The following DDC variants were observed in gnomAD, a reference collection of about 807,000 sequenced individuals.
DDC encodes aromatic-L-amino-acid decarboxylase.
DDC carries 43 observed loss-of-function variants against 60.0 expected under a neutral mutation model. The ratio of observed to expected loss-of-function variants is 0.72; its 90% CI spans 0.56 to 0.92. The LOEUF is 0.92. Among genes scored for constraint, DDC ranks in the 40% least tolerant of loss-of-function variants. The pLI is 0.00. For missense variants in DDC, 573 were observed against 620.2 expected, an observed-to-expected ratio of 0.92 and a Z score of 0.81; for synonymous variants, 232 against 234.6, an observed-to-expected ratio of 0.99 and a Z score of 0.10.
intron 6 of DDC, among the ~76,000 whole-genome samples, chr7:50,519,081 G>A (rs1238649841): frequency 6.6e-6 from 1 of 152,082 alleles, no homozygotes; most frequent in Non-Finnish European, 1.5e-5. Context: ...CTGGGCTAAG[G>A]ACATGAATAG....
At position 50,539,946 on chromosome 7, in the gene DDC, C is replaced by T; in HGVS notation, c.284G>A (p.Cys95Tyr). ...GAAGCCGATGCAGCCAATGGCCCCG[C>T]ACAGCATGTCCGCAAGCATGGCCGG... is the stretch of plus-strand genomic sequence containing the variant. ...SYPAMLADML[C>Y]GAIGCIGFSW... Residue 95 changes from cysteine to tyrosine, a missense_variant, in exon 3 of 15, where the codon TGC becomes TAC. Coordinates refer to ENST00000444124, the MANE Select transcript of DDC (RefSeq NM_001082971.2). 1 of 1,614,004 alleles carries T rather than the reference C, an allele frequency of 6.2e-7. No homozygotes were observed. Among genetic ancestry groups the T allele is most frequent in the Non-Finnish European group, 8.5e-7 (1 of 1,179,980 alleles).
At chr7:50,520,001 G>A (rs1356297458) in intron 6 of DDC, among the ~76,000 whole-genome samples, 3 of 152,146 alleles carry the variant, frequency 2.0e-5, no homozygotes, top group Admixed American at 6.5e-5. Context: ...GAAGATGGGC[G>A]AGAATCTACT....
At position 50,499,225 on chromosome 7, in the gene DDC, A is replaced by G. The variant is rs1317413228; in HGVS notation, c.799T>C (p.Trp267Arg). 1.9e-6 allele frequency: 3 copies of G among 1,613,286 alleles called. No homozygotes were observed. Among genetic ancestry groups the G allele is most frequent in the Non-Finnish European group, 2.5e-6 (3 of 1,179,636 alleles). ...GCGTAGGCTGCATCAACGTGCAGCC[A>G]TATGTCTTCCTTGTTGCCTAAAGTT... ...VGPICNKEDI[W>R]LHVDAAYAGS... is the part of the protein sequence containing the mutation. Residue 267 changes from tryptophan (W) to arginine (R), a missense_variant, in exon 8 of 15, where the codon TGG becomes CGG. Transcript: ENST00000444124.
chr7:50,493,625 CA>C (rs1180070354), intron 9 of DDC, among the ~76,000 whole-genome samples: 5 of 152,164 alleles, frequency 3.3e-5, no homozygotes, highest in African/African-American at 1.2e-4. Context: ...AACACAACCA[CA>C]AGAATACAAA....
chr7:50,498,093 G>A (rs1028852200), intron 8 of DDC, among the ~76,000 whole-genome samples: 3 of 152,196 alleles, frequency 2.0e-5, no homozygotes, highest in Non-Finnish European at 2.9e-5. Flanking sequence ...GCCAGGCACT[G>A]TTTTTAAGCC....
intron 6 of DDC, among the ~76,000 whole-genome samples, chr7:50,525,593 G>A (rs1025420601): frequency 9.2e-5 from 14 of 151,804 alleles, no homozygotes; most frequent in African/African-American, 3.1e-4. Flanking sequence ...ATGAGACCCC[G>A]TCTCCACTAG....
intron 12 of DDC, among the ~76,000 whole-genome samples, chr7:50,467,958 T>G (rs1260884858): frequency 6.6e-6 from 1 of 152,254 alleles, no homozygotes; most frequent in African/African-American, 2.4e-5. Flanking sequence ...TCATTGAATA[T>G]CACACTGACC....
chr7:50,468,884 G>A (rs112150160), intron 12 of DDC, among the ~76,000 whole-genome samples: 9 of 152,024 alleles, frequency 5.9e-5, no homozygotes, highest in African/African-American at 2.2e-4. Context: ...TGGCTAAACG[G>A]GTGGCTCTAG....
intron 12 of DDC, among the ~76,000 whole-genome samples, chr7:50,469,669 C>T (rs890410423): frequency 6.6e-6 from 1 of 152,116 alleles, no homozygotes; most frequent in Non-Finnish European, 1.5e-5. Flanking sequence ...GTTCTCTTGC[C>T]ATGTATTTGC....
Position 50,498,062 on chromosome 7 carries a change from C to G in DDC, c.876+1086G>C, listed in dbSNP as rs11575406. Reference sequence around the variant, plus strand: ...TAGAAAATCACAAAAGCACCTAATGCAATTTCAGTATTTACTGTCTGCCAG... The same window carrying G: ...TAGAAAATCACAAAAGCACCTAATGGAATTTCAGTATTTACTGTCTGCCAG... On this transcript the variant is annotated intron_variant, in intron 8 of 14. Transcript: ENST00000444124. Among the ~76,000 whole-genome samples the G allele has an allele frequency of 5.7e-3, 862 of 152,326 alleles. 7 individuals carry two copies. Among genetic ancestry groups the G allele is most frequent in the African/African-American group, 0.02 (830 of 41,582 alleles).
chr7:50,529,706 A>G (rs2044143578), intron 4 of DDC, among the ~76,000 whole-genome samples: 1 of 152,158 alleles, frequency 6.6e-6, no homozygotes. Context: ...ACCAGCATGC[A>G]AGCCTGACTC....
chr7:50,524,047 A>G (rs1473967860), intron 6 of DDC, among the ~76,000 whole-genome samples: 2 of 152,232 alleles, frequency 1.3e-5, no homozygotes, highest in African/African-American at 4.8e-5. Context: ...TGTTAGTGAA[A>G]TAAGTCAATC....
intron 6 of DDC, among the ~76,000 whole-genome samples, chr7:50,520,399 A>C (rs2043857764): frequency 6.6e-6 from 1 of 152,232 alleles, no homozygotes; most frequent in Non-Finnish European, 1.5e-5. Context: ...GAAAACTCTT[A>C]GAGATCAAAC....
intron 9 of DDC, chr7:50,493,003 G>C: frequency 6.3e-7 from 1 of 1,597,582 alleles, no homozygotes; most frequent in Middle Eastern, 1.7e-4. Flanking sequence ...TGGTTGTCTG[G>C]ACCTGAGGGC....
chr7:50,485,827 C>T (rs930291769), intron 9 of DDC, among the ~76,000 whole-genome samples: 13 of 152,178 alleles, frequency 8.5e-5, no homozygotes, highest in Admixed American at 5.2e-4. Context: ...CCTGTCTCCA[C>T]GTTACAAGGC....
intron 6 of DDC, among the ~76,000 whole-genome samples, chr7:50,505,189 A>G (rs1005802355): frequency 2.6e-5 from 4 of 152,202 alleles, no homozygotes. Context: ...TGATGCTCCC[A>G]AAGCCAGGGA....
At chr7:50,560,758 C>T (rs1473185863) in intron 1 of DDC, among the ~76,000 whole-genome samples, 1 of 152,194 alleles carries the variant, frequency 6.6e-6, no homozygotes, top group African/African-American at 2.4e-5. Context: ...TCTGCCTGAC[C>T]TGTTGCTTGC....
chr7:50,482,737 T>C (rs2042797126), intron 9 of DDC, among the ~76,000 whole-genome samples: 1 of 152,230 alleles, frequency 6.6e-6, no homozygotes, highest in South Asian at 2.1e-4. Flanking sequence ...TTTCTCCATA[T>C]AAATCTGAAC....
intron 11 of DDC, among the ~76,000 whole-genome samples, chr7:50,476,100 C>G (rs961397432): frequency 2.0e-5 from 3 of 152,202 alleles, no homozygotes; most frequent in African/African-American, 7.2e-5. Context: ...CTTCGCAGTA[C>G]TGCCTTTGGT....
Sources: gnomAD v4.1 joint callset for allele counts (sites outside exome capture counted in the v4.1 genomes callset) on GRCh38, gnomAD v4.1.1 for gene constraint, MANE v1.5 for transcripts, NCBI Gene and HGNC (gene_info 2026-07-23, HGNC 2026-07-21) for gene names.